Variants in FAM193A observed in about 807,000 individuals in gnomAD.
The protein encoded by FAM193A is family with sequence similarity 193 member A.
Under a neutral mutation model 126.5 loss-of-function variants are expected in FAM193A, and 22 were observed. The observed-to-expected ratio is 0.17, with a 90% CI of 0.12 to 0.25. The LOEUF (loss-of-function observed/expected upper bound fraction) is 0.25, where lower values mean the gene tolerates loss of function less well. Ranked by LOEUF, FAM193A falls within the 10% of genes least tolerant of loss-of-function variation. The pLI is 1.00. For missense variants in FAM193A, 1,675 were observed against 1,672.8 expected, an observed-to-expected ratio of 1.00 and a Z score of -0.02; for synonymous variants, 761 against 646.8, an observed-to-expected ratio of 1.18 and a Z score of -2.68.
At chr4:2,674,508 A>G (rs1032244161) in intron 13 of FAM193A, among the ~76,000 whole-genome samples, 1 of 152,206 alleles carries the variant, frequency 6.6e-6, no homozygotes, top group Non-Finnish European at 1.5e-5. Context: ...TGGGTGCTGA[A>G]CGTGGAGGGG....
intron 2 of FAM193A, among the ~76,000 whole-genome samples, chr4:2,614,151 T>G (rs1319978976): frequency 6.6e-6 from 1 of 152,086 alleles, no homozygotes; most frequent in Non-Finnish European, 1.5e-5. Context: ...TGTATCTTCA[T>G]TTTTTCTTGC....
chr4:2,566,339 G>C (rs954727255), intron 1 of FAM193A, among the ~76,000 whole-genome samples: 1 of 152,116 alleles, frequency 6.6e-6, no homozygotes, highest in South Asian at 2.1e-4. Context: ...GAGCCACCGC[G>C]CCTGGCCAAT....
intron 7 of FAM193A, among the ~76,000 whole-genome samples, chr4:2,648,774 C>G (rs1490184188): frequency 3.3e-5 from 5 of 152,212 alleles, no homozygotes; most frequent in Non-Finnish European, 4.4e-5. Flanking sequence ...GTAGAGGGAG[C>G]AGGAGTTGGG....
intron 1 of FAM193A, among the ~76,000 whole-genome samples, chr4:2,559,086 G>A (rs1297645795): frequency 6.6e-6 from 1 of 152,132 alleles, no homozygotes; most frequent in Non-Finnish European, 1.5e-5. Context: ...TAATGGGAGG[G>A]TTTGGATCAA....
chr4:2,690,840 T>A lies in FAM193A; in HGVS notation c.2673T>A (p.Asp891Glu), dbSNP rs924762195. 17 of 1,614,232 alleles carry A rather than the reference T, an allele frequency of 1.1e-5. No homozygotes were observed. The highest frequency in any genetic ancestry group is 1.4e-5 in the Non-Finnish European group (17 of 1,180,040). Reference protein sequence around the residue: ...AKKKCLYNFQDAFMEANKVVM... With the variant: ...AKKKCLYNFQEAFMEANKVVM... ...AGAAATGTTTATACAATTTCCAAGA[T>A]GCTTTCATGGAAGCAAATAAAGTTG... is the stretch of plus-strand genomic sequence containing the variant. Residue 891 changes from aspartate to glutamate, a missense_variant, in exon 15 of 21, where the codon GAT becomes GAA. By Grantham distance (45) the Asp-to-Glu change is conservative. Coordinates refer to ENST00000637812, the MANE Select transcript of FAM193A (RefSeq NM_001366318.2).
intron 12 of FAM193A, among the ~76,000 whole-genome samples, chr4:2,670,575 T>G (rs1340941948): frequency 5.3e-5 from 8 of 152,066 alleles, no homozygotes; most frequent in Non-Finnish European, 1.5e-5. Context: ...TCCTCCCACC[T>G]CAGCCCCCCA....
At chr4:2,569,019 G>A (rs995077731) in intron 1 of FAM193A, among the ~76,000 whole-genome samples, 14 of 145,406 alleles carry the variant, frequency 9.6e-5, no homozygotes, top group African/African-American at 3.4e-4. Context: ...GCCCAGGCTG[G>A]AGTGTAATGG....
At chr4:2,636,420 C>T (rs142565327) in intron 5 of FAM193A, among the ~76,000 whole-genome samples, 211 of 152,122 alleles carry the variant, frequency 1.4e-3, no homozygotes, top group Non-Finnish European at 2.0e-3. Flanking sequence ...GAGAGTACAC[C>T]AACGCGGGAG....
chr4:2,701,323 A>C (rs111234007), intron 19 of FAM193A, among the ~76,000 whole-genome samples: 1 of 149,886 alleles, frequency 6.7e-6, no homozygotes, highest in African/African-American at 2.4e-5. Flanking sequence ...TTCTCCTGAC[A>C]TGGGATCCAA....
rs913425576 is a variant in FAM193A at position 2,682,807 on chromosome 4, T to G, written c.2332-6699T>G. On this transcript the variant is annotated intron_variant, in intron 13 of 20. Coordinates refer to ENST00000637812, the MANE Select transcript of FAM193A (RefSeq NM_001366318.2). Reference sequence around the variant, plus strand: ...GACCCTTCCCTATTCCCTGTGACATTGCTGTCATTATTTTCACTTATCCAC... The same window carrying G: ...GACCCTTCCCTATTCCCTGTGACATGGCTGTCATTATTTTCACTTATCCAC... 2.0e-5 allele frequency among the ~76,000 whole-genome samples: 3 copies of G among 148,154 alleles called. No homozygotes were observed. In the Admixed American group the frequency reaches 2.2e-4, roughly 11 times the overall value.
At chr4:2,582,102 A>G (rs2108880821) in intron 1 of FAM193A, among the ~76,000 whole-genome samples, 2 of 151,956 alleles carry the variant, frequency 1.3e-5, no homozygotes, top group Middle Eastern at 6.8e-3. Flanking sequence ...TTGTTCTTCC[A>G]TGTGTAATGT....
chr4:2,634,085 A>G (rs1743862230), intron 5 of FAM193A, among the ~76,000 whole-genome samples: 1 of 152,170 alleles, frequency 6.6e-6, no homozygotes, highest in South Asian at 2.1e-4. Context: ...GTCTGCACAT[A>G]ATGCTGGGAC....
intron 2 of FAM193A, among the ~76,000 whole-genome samples, chr4:2,619,449 C>A (rs779098951): frequency 6.6e-6 from 1 of 151,746 alleles, no homozygotes; most frequent in South Asian, 2.1e-4. Context: ...ATTACAGGCA[C>A]GTGCCACCAT....
intron 5 of FAM193A, among the ~76,000 whole-genome samples, chr4:2,637,595 G>C (rs1304193768): frequency 6.6e-6 from 1 of 152,196 alleles, no homozygotes; most frequent in Non-Finnish European, 1.5e-5. Flanking sequence ...ACAGTTTGCA[G>C]AGCCTGCCCT....
chr4:2,545,118 G>A (rs1049044329), intron 1 of FAM193A, among the ~76,000 whole-genome samples: 1 of 151,846 alleles, frequency 6.6e-6, no homozygotes. Context: ...TCAGCCTCCC[G>A]AGTAGCTGGG....
intron 1 of FAM193A, among the ~76,000 whole-genome samples, chr4:2,554,180 G>A (rs1452510314): frequency 6.6e-6 from 1 of 152,108 alleles, no homozygotes; most frequent in Non-Finnish European, 1.5e-5. Flanking sequence ...TGCCTCCCGG[G>A]TTCAAGTGGT....
intron 1 of FAM193A, among the ~76,000 whole-genome samples, chr4:2,543,328 G>C (rs1168877976): frequency 6.6e-6 from 1 of 151,850 alleles, no homozygotes; most frequent in Admixed American, 6.6e-5. Flanking sequence ...ACCTCGTGAT[G>C]TACCCGCCTC....
chr4:2,726,317 G>A (rs1261760178), intron 20 of FAM193A, among the ~76,000 whole-genome samples: 2 of 152,196 alleles, frequency 1.3e-5, no homozygotes, highest in East Asian at 3.9e-4. Context: ...GGGATTAGAG[G>A]CGTGAGCCAC....
Position 2,598,301 on chromosome 4 carries a change from G to C in FAM193A, c.501+1972G>C, listed in dbSNP as rs557448196. 8.1e-4 allele frequency among the ~76,000 whole-genome samples: 123 copies of C among 152,258 alleles called. 1 individual carries two copies. The highest frequency in any genetic ancestry group is 1.2e-3 in the Non-Finnish European group (80 of 68,026). On this transcript the variant is annotated intron_variant, in intron 2 of 20. Coordinates refer to ENST00000637812, the MANE Select transcript of FAM193A (RefSeq NM_001366318.2). ...ACCCAAAATGTTGCATGCATCCGTA[G>C]TTTCTCTTTTTTATTGAGTAATTTT... is the stretch of plus-strand genomic sequence containing the variant.
Sources: allele counts gnomAD v4.1 joint callset (sites outside exome capture counted in the v4.1 genomes callset), GRCh38; gene constraint gnomAD v4.1.1; transcripts MANE v1.5; gene names NCBI Gene and HGNC (gene_info 2026-07-23, HGNC 2026-07-21).